ZNF804B: variants seen among roughly 807,000 people sequenced by gnomAD.
The protein encoded by ZNF804B is zinc finger 804B.
ZNF804B carries 80 observed loss-of-function variants against 101.4 expected under a neutral mutation model. The ratio of observed to expected loss-of-function variants is 0.79; its 90% confidence interval spans 0.66 to 0.95. ZNF804B has a LOEUF of 0.95. Among genes scored for constraint, ZNF804B ranks in the 40% least tolerant of loss-of-function variants. ZNF804B has a pLI of 0.00. For synonymous variants in ZNF804B, 622 were observed against 558.8 expected, an observed-to-expected ratio of 1.11 and a Z score of -1.59; for missense variants, 1,673 against 1,561.9, an observed-to-expected ratio of 1.07 and a Z score of -1.20.
Position 89,336,598 on chromosome 7 carries a change from A to G in ZNF804B, c.3616A>G (p.Ile1206Val), listed in dbSNP as rs147046798. The change falls in exon 4 of 4, where the codon ATC becomes GTC. Residue 1206 changes from isoleucine to valine, a missense_variant. Physicochemically the swap from Ile to Val is conservative, Grantham distance 29. Coordinates refer to ENST00000333190, the MANE Select transcript of ZNF804B (RefSeq NM_181646.5). Reference protein sequence around the residue: ...QTVPVHQHTSITTIHHTFLQH... With the variant: ...QTVPVHQHTSVTTIHHTFLQH... ...AGTTCCAGTTCACCAGCACACTTCTATCACCACCATCCACCACACGTTCCT... is the reference window on the plus strand; with the variant it reads ...AGTTCCAGTTCACCAGCACACTTCTGTCACCACCATCCACCACACGTTCCT... The G allele has an allele frequency of 1.7e-4, 271 of 1,614,080 alleles. No homozygotes were observed. Among genetic ancestry groups the G allele is most frequent in the African/African-American group, 4.4e-4 (33 of 75,016 alleles).
At position 89,334,595 on chromosome 7, in the gene ZNF804B, C is replaced by A. The variant is rs1011525886; in HGVS notation, c.1613C>A (p.Thr538Lys). 6.2e-7 allele frequency: 1 copy of A among 1,613,620 alleles called. No individual in the cohort carries two copies. Among genetic ancestry groups the A allele is most frequent in the East Asian group, 2.2e-5 (1 of 44,840 alleles). Reference protein sequence around the residue: ...QEDYQYPKPKTMIANPDWEKF... With the variant: ...QEDYQYPKPKKMIANPDWEKF... ...GATTATCAATATCCGAAACCAAAGA[C>A]GATGATAGCTAATCCGGATTGGGAA... Residue 538 changes from threonine (T) to lysine (K), a missense_variant, in exon 4 of 4, where the codon ACG becomes AAG. Physicochemically the swap from Thr to Lys is moderately conservative, Grantham distance 78 (BLOSUM62 -1). Coordinates refer to ENST00000333190, the MANE Select transcript of ZNF804B (RefSeq NM_181646.5).
chr7:89,169,575 G>A (rs12704443), intron 1 of ZNF804B, among the ~76,000 whole-genome samples: 19 of 151,800 alleles, frequency 1.3e-4, no homozygotes, highest in African/African-American at 4.1e-4. Flanking sequence ...TCTCTCAATA[G>A]GAATGTAAAA....
intron 1 of ZNF804B, among the ~76,000 whole-genome samples, chr7:88,857,116 G>C (rs556787681): frequency 6.6e-6 from 1 of 152,038 alleles, no homozygotes; most frequent in South Asian, 2.1e-4. Flanking sequence ...AAAGCAGTGC[G>C]TGGAGGGAAA....
chr7:88,806,204 A>G (rs571185677), intron 1 of ZNF804B, among the ~76,000 whole-genome samples: 8 of 152,320 alleles, frequency 5.3e-5, no homozygotes, highest in Non-Finnish European at 1.2e-4. Flanking sequence ...AAGCATAACT[A>G]TAAAGGCAAA....
rs546649359 is a variant in ZNF804B, at chr7:89,011,914, T to C, written c.109-206241T>C. On this transcript the variant is annotated intron_variant, in intron 1 of 3. Coordinates refer to ENST00000333190, the MANE Select transcript of ZNF804B (RefSeq NM_181646.5). The stretch of plus-strand genomic sequence containing the variant: ...CTCAGTAGTGCTCCAGTGGGGACAC[T>C]GTGGGGGATCAAACCCTACATTTTC... 1.6e-3 allele frequency among the ~76,000 whole-genome samples: 247 copies of C among 152,254 alleles called. 1 individual carries two copies. Among genetic ancestry groups the C allele is most frequent in the African/African-American group, 5.7e-3 (237 of 41,558 alleles).
chr7:89,021,488 G>A (rs1360877155), intron 1 of ZNF804B, among the ~76,000 whole-genome samples: 1 of 152,152 alleles, frequency 6.6e-6, no homozygotes, highest in Non-Finnish European at 1.5e-5. Context: ...ATGGGCACAA[G>A]GCCACTCCTG....
chr7:89,109,808 G>A (rs1333208629), intron 1 of ZNF804B, among the ~76,000 whole-genome samples: 1 of 152,098 alleles, frequency 6.6e-6, no homozygotes, highest in African/African-American at 2.4e-5. Flanking sequence ...TCTGGGAGAT[G>A]AAATATTTTA....
chr7:88,811,660 A>G (rs1231364453), intron 1 of ZNF804B, among the ~76,000 whole-genome samples: 5 of 152,202 alleles, frequency 3.3e-5, no homozygotes, highest in African/African-American at 9.6e-5. Context: ...GAATGAAATC[A>G]TGTCATTTAC....
intron 2 of ZNF804B, among the ~76,000 whole-genome samples, chr7:89,233,926 T>A (rs960583902): frequency 6.6e-6 from 1 of 152,156 alleles, no homozygotes; most frequent in Non-Finnish European, 1.5e-5. Context: ...CCCTGCCAGT[T>A]TTTTCTTAAG....
intron 1 of ZNF804B, among the ~76,000 whole-genome samples, chr7:88,987,232 A>T (rs1793770933): frequency 6.6e-6 from 1 of 152,156 alleles, no homozygotes; most frequent in Admixed American, 6.6e-5. Flanking sequence ...CTTGATTTGT[A>T]CAGTATTTAT....
At chr7:88,873,647 C>G (rs9649114) in intron 1 of ZNF804B, among the ~76,000 whole-genome samples, 1 of 151,880 alleles carries the variant, frequency 6.6e-6, no homozygotes, top group Non-Finnish European at 1.5e-5. Context: ...GATTTTTATA[C>G]AAGGTGTAAG....
At chr7:89,134,684 C>T (rs1446200790) in intron 1 of ZNF804B, among the ~76,000 whole-genome samples, 1 of 152,030 alleles carries the variant, frequency 6.6e-6, no homozygotes, top group Non-Finnish European at 1.5e-5. Flanking sequence ...CAGCATAGTT[C>T]TGGAAGATGC....
At chr7:89,182,603 T>C (rs1352215251) in intron 1 of ZNF804B, among the ~76,000 whole-genome samples, 1 of 152,164 alleles carries the variant, frequency 6.6e-6, no homozygotes, top group Non-Finnish European at 1.5e-5. Context: ...CAAAATAAAC[T>C]TGCCCATTAC....
At chr7:88,824,019 A>G (rs572374367) in intron 1 of ZNF804B, among the ~76,000 whole-genome samples, 4 of 152,278 alleles carry the variant, frequency 2.6e-5, no homozygotes, top group East Asian at 3.9e-4. Context: ...CTGCTACTCT[A>G]TCCCTGACTT....
chr7:88,858,712 A>G (rs1791607327), intron 1 of ZNF804B, among the ~76,000 whole-genome samples: 1 of 152,194 alleles, frequency 6.6e-6, no homozygotes, highest in African/African-American at 2.4e-5. Context: ...ATATTGAGAT[A>G]ATAATAATAT....
intron 1 of ZNF804B, among the ~76,000 whole-genome samples, chr7:89,075,819 A>T (rs2116304903): frequency 1.3e-5 from 2 of 152,352 alleles, no homozygotes; most frequent in South Asian, 4.1e-4. Flanking sequence ...CTTAACAGCC[A>T]TGGGGCAAAG....
chr7:88,766,339 G>T (rs1005720712), intron 1 of ZNF804B, among the ~76,000 whole-genome samples: 1 of 152,012 alleles, frequency 6.6e-6, no homozygotes, highest in Non-Finnish European at 1.5e-5. Context: ...ACATAAAAGG[G>T]GGTTTTGATT....
chr7:89,058,903 AG>A (rs1244152494), intron 1 of ZNF804B, among the ~76,000 whole-genome samples: 3 of 152,098 alleles, frequency 2.0e-5, no homozygotes, highest in African/African-American at 7.2e-5. Flanking sequence ...CATGTTGCCC[AG>A]GCTGGTCTCT....
chr7:89,238,572 G>A (rs1789317472), intron 2 of ZNF804B, among the ~76,000 whole-genome samples: 1 of 152,146 alleles, frequency 6.6e-6, no homozygotes, highest in South Asian at 2.1e-4. Context: ...AAATAAAAAG[G>A]ATATTTTCTG....
Sources: allele counts gnomAD v4.1 joint callset (sites outside exome capture counted in the v4.1 genomes callset), GRCh38; gene constraint gnomAD v4.1.1; transcripts MANE v1.5; gene names NCBI Gene and HGNC (gene_info 2026-07-23, HGNC 2026-07-21).